NOP10: variants seen among roughly 807,000 people sequenced by gnomAD.
The protein encoded by NOP10 is NOP10 ribonucleoprotein.
NOP10 carries 6 observed loss-of-function variants against 9.5 expected under a neutral mutation model. That is an observed-to-expected ratio of 0.63 (90% confidence interval 0.35 to 1.25). The LOEUF is 1.25. Ranked by LOEUF, NOP10 falls within the 50% of genes most tolerant of loss-of-function variation. The pLI is 0.03. For missense variants in NOP10, 75 were observed against 81.3 expected, an observed-to-expected ratio of 0.92 and a Z score of 0.30; for synonymous variants, 28 against 30.7, an observed-to-expected ratio of 0.91 and a Z score of 0.29.
chr15:34,342,186 T>G, intron 1 of NOP10, 78 bp from the exon 2 acceptor site: 1 of 1,279,954 alleles, frequency 7.8e-7, no homozygotes, highest in South Asian at 1.2e-5. Flanking sequence ...AGGGCAAACA[T>G]GAAAATAGAA....
chr15:34,342,083 G>A lies in NOP10; in HGVS notation c.80C>T (p.Thr27Ile). The A allele has an allele frequency of 6.2e-7, 1 of 1,614,104 alleles. No individual in the cohort carries two copies. Residue 27 changes from threonine to isoleucine, a missense_variant, in exon 2 of 2, where the codon ACC becomes ATC. By Grantham distance (89) the Thr-to-Ile change is moderately conservative. Transcript: ENST00000328848. Reference protein sequence around the residue: ...LKKFDPMGQQTCSAHPARFSP... With the variant: ...LKKFDPMGQQICSAHPARFSP... ...GAACCGAGCAGGATGGGCTGAGCAGGTCTGTTGTCCCATCGGGTCAAATTT... is the reference window on the plus strand; with the variant it reads ...GAACCGAGCAGGATGGGCTGAGCAGATCTGTTGTCCCATCGGGTCAAATTT...
intron 1 of NOP10, 51 bp downstream of exon 1, chr15:34,342,969 C>T: frequency 6.5e-7 from 1 of 1,534,664 alleles, no homozygotes; most frequent in Admixed American, 1.7e-5. Flanking sequence ...ACCCACTCCT[C>T]CCATCTACAT....
intron 1 of NOP10, among the ~76,000 whole-genome samples, chr15:34,342,523 C>G (rs1176899540): frequency 6.7e-6 from 1 of 149,338 alleles, no homozygotes; most frequent in Admixed American, 6.7e-5. Flanking sequence ...GAGACCGCAC[C>G]ACCGCACTAC....
chr15:34,342,049 A>G lies in NOP10; in HGVS notation c.114T>C (p.Asp38=). 6.2e-7 allele frequency: 1 copy of G among 1,614,126 alleles called. No individual in the cohort carries two copies. The highest frequency in any genetic ancestry group is 8.5e-7 in the Non-Finnish European group (1 of 1,180,018). ...TGATTCGGTGTCGAGAGTATTTGTC[A>G]TCTGGGGAGAACCGAGCAGGATGGG... is the stretch of plus-strand genomic sequence containing the variant. ...CSAHPARFSP[D]DKYSRHRITI... The change falls in exon 2 of 2, where the codon GAT becomes GAC. Residue 38 remains aspartate, a synonymous_variant. Transcript: ENST00000328848.
chr15:34,342,170 C>T, intron 1 of NOP10, 62 bp from the exon 2 acceptor site: 2 of 1,414,804 alleles, frequency 1.4e-6, no homozygotes, highest in Non-Finnish European at 2.0e-6. Context: ...GGGGCCAGCG[C>T]GAAAAAGGGC....
rs776538895 is a variant in NOP10 at position 34,341,973 on chromosome 15, G to A, written c.190C>T (p.Leu64Phe). The A allele has an allele frequency of 6.2e-7, 1 of 1,613,896 alleles. No individual in the cohort carries two copies. Among genetic ancestry groups the A allele is most frequent in the Admixed American group, 1.7e-5 (1 of 60,016 alleles). ...GACATCAGTTTAAGGGACCCTCAGA[G>A]GACAGGGCGCGGTTGCTGGGTCATG... ...VLMTQQPRPV[L>F] Residue 64 changes from leucine (L) to phenylalanine (F), a missense_variant, in exon 2 of 2, where the codon CTC becomes TTC. Leu to Phe is a conservative substitution (Grantham distance 22). Transcript: ENST00000328848.
chr15:34,342,154 T>C, intron 1 of NOP10, 46 bp from the exon 2 acceptor site: 1 of 1,591,896 alleles, frequency 6.3e-7, no homozygotes, highest in Non-Finnish European at 8.6e-7. Context: ...AGTGATGAAA[T>C]GGGGTGGGGC....
In NOP10 at chr15:34,343,037, G is replaced by A; in HGVS notation, c.37C>T (p.Arg13Ter). 2 of 1,613,942 alleles carry A rather than the reference G, an allele frequency of 1.2e-6. No individual in the cohort carries two copies. The highest frequency in any genetic ancestry group is 1.1e-5 in the South Asian group (1 of 91,070). Residue 13 changes from arginine (R) to a stop codon, truncating the protein, a stop_gained, in exon 1 of 2, where the codon CGA becomes TGA. Coordinates refer to ENST00000328848, the MANE Select transcript of NOP10 (RefSeq NM_018648.4). LOFTEE classifies it high-confidence loss of function. ...CTCCTCACCTTCAGCGTATAGACTC[G>A]ATCTCCCTGCTCGTTGAGGTAATAC... ...LQYYLNEQGD[R>*]VYTLKKFDPM... is the part of the protein sequence containing the mutation.
intron 1 of NOP10, among the ~76,000 whole-genome samples, chr15:34,342,786 A>G (rs1008820130): frequency 2.0e-5 from 3 of 151,978 alleles, no homozygotes; most frequent in African/African-American, 7.3e-5. Flanking sequence ...AGCTAAGGCA[A>G]TCCACCCGCC....
Position 34,343,094 on chromosome 15 carries a change from T to A in NOP10, c.-21A>T. 1 of 1,613,986 alleles carries A rather than the reference T, an allele frequency of 6.2e-7. No homozygotes were observed. Among genetic ancestry groups the A allele is most frequent in the Non-Finnish European group, 8.5e-7 (1 of 1,179,860 alleles). On this transcript the variant is annotated 5_prime_UTR_variant, in exon 1 of 2. Transcript: ENST00000328848. ...AACATGATCGCTTATAAGCCAGCGG[T>A]CCCAATTCGGTCCACCGCTCAGTCT...
In NOP10 at chr15:34,342,012, G is replaced by A. The variant is rs763635922; in HGVS notation, c.151C>T (p.Arg51Cys). 2 of 1,614,004 alleles carry A rather than the reference G, an allele frequency of 1.2e-6. No individual in the cohort carries two copies. The highest frequency in any genetic ancestry group is 2.2e-5 in the South Asian group (2 of 91,086). Residue 51 changes from arginine to cysteine, a missense_variant, in exon 2 of 2, where the codon CGC becomes TGC. By Grantham distance (180) the Arg-to-Cys change is radical (BLOSUM62 -3). Transcript: ENST00000328848. ...YSRHRITIKK[R>C]FKVLMTQQPR... is the part of the protein sequence containing the mutation. ...TGCTGGGTCATGAGCACCTTGAAGC[G>A]TTTCTTGATGGTGATTCGGTGTCGA...
intron 1 of NOP10, 86 bp from the exon 2 acceptor site, chr15:34,342,194 G>C (rs1245657916): frequency 1.7e-6 from 2 of 1,193,716 alleles, no homozygotes; most frequent in East Asian, 4.7e-5. Flanking sequence ...CATGAAAATA[G>C]AAGATGCAAT....
At chr15:34,342,955 C>T (rs1890508948) in intron 1 of NOP10, 65 bp downstream of exon 1, 3 of 1,453,862 alleles carry the variant, frequency 2.1e-6, no homozygotes, top group Admixed American at 3.3e-5. Flanking sequence ...CCACGTATGA[C>T]CTCACCCACT....
Position 34,343,010 on chromosome 15 carries a change from C to A in NOP10, c.54+10G>T. ...GCCATGCCTATTTACACCCTGTTTT[C>A]TCTCCTCACCTTCAGCGTATAGACT... is the stretch of plus-strand genomic sequence containing the variant. On this transcript the variant is annotated intron_variant, in intron 1 of 1. Transcript: ENST00000328848. 1 of 1,613,172 alleles carries A rather than the reference C, an allele frequency of 6.2e-7. No homozygotes were observed. The highest frequency in any genetic ancestry group is 8.5e-7 in the Non-Finnish European group (1 of 1,179,118).
chr15:34,342,195 A>G (rs1890490257), intron 1 of NOP10, 87 bp from the exon 2 acceptor site: 2 of 1,160,348 alleles, frequency 1.7e-6, no homozygotes, highest in Non-Finnish European at 2.6e-6. Context: ...ATGAAAATAG[A>G]AGATGCAATG....
intron 1 of NOP10, 48 bp from the exon 2 acceptor site, chr15:34,342,156 G>C (rs780059701): frequency 1.9e-6 from 3 of 1,585,664 alleles, no homozygotes; most frequent in South Asian, 1.1e-5. Flanking sequence ...TGATGAAATG[G>C]GGTGGGGCCA....
At position 34,343,005 on chromosome 15, in the gene NOP10, G is replaced by C. The variant is rs1333025038; in HGVS notation, c.54+15C>G. 6.2e-7 allele frequency: 1 copy of C among 1,612,296 alleles called. No individual in the cohort carries two copies. The highest frequency in any genetic ancestry group is 1.1e-5 in the South Asian group (1 of 91,048). Reference sequence around the variant, plus strand: ...TTCTCGCCATGCCTATTTACACCCTGTTTTCTCTCCTCACCTTCAGCGTAT... The same window carrying C: ...TTCTCGCCATGCCTATTTACACCCTCTTTTCTCTCCTCACCTTCAGCGTAT... On this transcript the variant is annotated intron_variant, in intron 1 of 1. Transcript: ENST00000328848.
chr15:34,343,051 T>C lies in NOP10; in HGVS notation c.23A>G (p.Asn8Ser), dbSNP rs1416755498. 3.1e-6 allele frequency: 5 copies of C among 1,614,020 alleles called. No homozygotes were observed. Among genetic ancestry groups the C allele is most frequent in the Admixed American group, 1.7e-5 (1 of 60,002 alleles). ...CGTATAGACTCGATCTCCCTGCTCG[T>C]TGAGGTAATACTGGAGAAACATGAT... is the stretch of plus-strand genomic sequence containing the variant. MFLQYYL[N>S]EQGDRVYTLK... Residue 8 changes from asparagine (N) to serine (S), a missense_variant, in exon 1 of 2, where the codon AAC becomes AGC. By Grantham distance (46) the Asn-to-Ser change is conservative. Coordinates refer to ENST00000328848, the MANE Select transcript of NOP10 (RefSeq NM_018648.4).
chr15:34,341,874 G>T lies in NOP10; in HGVS notation c.*94C>A. ...GACTGGATGCCAAAGAGTATGGCTG[G>T]CAAAAAGGCATCAGGGCTCACAGTC... is the stretch of plus-strand genomic sequence containing the variant. On this transcript the variant is annotated 3_prime_UTR_variant, in exon 2 of 2. Coordinates refer to ENST00000328848, the MANE Select transcript of NOP10 (RefSeq NM_018648.4). 7.7e-7 allele frequency: 1 copy of T among 1,301,242 alleles called. No individual in the cohort carries two copies. The highest frequency in any genetic ancestry group is 1.1e-6 in the Non-Finnish European group (1 of 913,010). The allele number at this position is 1,301,242 out of a possible 1,614,324, so 80.6% of individuals were successfully genotyped here.
Sources: allele counts gnomAD v4.1 joint callset (sites outside exome capture counted in the v4.1 genomes callset), GRCh38; gene constraint gnomAD v4.1.1; transcripts MANE v1.5; gene names NCBI Gene and HGNC (gene_info 2026-07-23, HGNC 2026-07-21).